The following BMPER variants were observed in gnomAD, a reference collection of about 807,000 sequenced individuals.
BMPER encodes BMP-binding endothelial regulator protein.
Under a neutral mutation model 87.3 loss-of-function variants are expected in BMPER, and 45 were observed. The ratio of observed to expected loss-of-function variants is 0.52; its 90% confidence interval spans 0.41 to 0.66. The LOEUF (loss-of-function observed/expected upper bound fraction) is 0.66. Ranked by LOEUF, BMPER falls within the 30% of genes least tolerant of loss-of-function variation. BMPER has a pLI of 0.00. For missense variants in BMPER, 784 were observed against 867.5 expected, an observed-to-expected ratio of 0.90 and a Z score of 1.21; for synonymous variants, 326 against 316.2, an observed-to-expected ratio of 1.03 and a Z score of -0.33.
At chr7:33,997,750 C>G (rs1350230567) in intron 6 of BMPER, among the ~76,000 whole-genome samples, 1 of 152,150 alleles carries the variant, frequency 6.6e-6, no homozygotes, top group Admixed American at 6.5e-5. Context: ...CACCTCAGTT[C>G]TTTTGTATTT....
chr7:33,994,522 G>C (rs1283911372), intron 6 of BMPER, among the ~76,000 whole-genome samples: 4 of 152,186 alleles, frequency 2.6e-5, no homozygotes, highest in Non-Finnish European at 5.9e-5. Context: ...CCACTGTCTG[G>C]CGCTCCCTAG....
At chr7:34,079,328 C>A in intron 12 of BMPER, 142 bp downstream of exon 12, 2 of 1,048,620 alleles carry the variant, frequency 1.9e-6, no homozygotes, top group Non-Finnish European at 1.4e-6. Flanking sequence ...AACTGCGGGA[C>A]TTGCCTCATC....
At position 34,036,779 on chromosome 7, in the gene BMPER, G is replaced by A. The variant is rs903608473; in HGVS notation, c.577-9527G>A. Among the ~76,000 whole-genome samples the A allele has an allele frequency of 9.5e-4, 145 of 152,288 alleles. 1 individual carries two copies. Among genetic ancestry groups the A allele is most frequent in the Non-Finnish European group, 3.8e-4 (26 of 68,018 alleles). ...GGACACCCAGAACCAGTTGGAATTT[G>A]CCTCAAACAATATCGCAGTCTTTCA... On this transcript the variant is annotated intron_variant, in intron 6 of 14. Coordinates refer to ENST00000649409, the MANE Select transcript of BMPER (RefSeq NM_001365308.1).
rs1292657977 is a variant in BMPER at position 34,147,279 on chromosome 7, G to A, written c.1876+3919G>A. On this transcript the variant is annotated intron_variant, in intron 14 of 14. Coordinates refer to ENST00000649409, the MANE Select transcript of BMPER (RefSeq NM_001365308.1). ...GTAAAAGTTCAAGAGATAAAGTCAG[G>A]TATGGTGACCTTCAGCACCCCATAG... Among the ~76,000 whole-genome samples, 5 of 152,164 alleles carry A rather than the reference G, an allele frequency of 3.3e-5. No individual in the cohort carries two copies. The South Asian group carries it at 1.0e-3, about 31-fold the overall frequency.
chr7:34,120,743 T>C (rs565119323), intron 13 of BMPER, among the ~76,000 whole-genome samples: 1 of 152,298 alleles, frequency 6.6e-6, no homozygotes, highest in East Asian at 1.9e-4. Flanking sequence ...TATAGCTTAT[T>C]GTCTGTGATT....
intron 6 of BMPER, among the ~76,000 whole-genome samples, chr7:34,003,210 CAT>C (rs1786633215): frequency 6.6e-6 from 1 of 151,596 alleles, no homozygotes; most frequent in South Asian, 2.1e-4. Context: ...CACACACACA[CAT>C]ATATATACAC....
chr7:33,922,421 C>T (rs1282440739), intron 2 of BMPER, among the ~76,000 whole-genome samples: 1 of 152,202 alleles, frequency 6.6e-6, no homozygotes, highest in Non-Finnish European at 1.5e-5. Context: ...CTGGCTGTTC[C>T]TCCTCCACGC....
At chr7:34,092,760 C>T (rs1171839082) in intron 13 of BMPER, among the ~76,000 whole-genome samples, 1 of 152,144 alleles carries the variant, frequency 6.6e-6, no homozygotes, top group African/African-American at 2.4e-5. Context: ...GTCCAATTTT[C>T]TTGGAGCCCA....
intron 6 of BMPER, among the ~76,000 whole-genome samples, chr7:34,008,662 C>A (rs1017758465): frequency 6.6e-6 from 1 of 151,872 alleles, no homozygotes; most frequent in Non-Finnish European, 1.5e-5. Flanking sequence ...TGCTGGCTAG[C>A]CCCTCAAGAA....
intron 13 of BMPER, among the ~76,000 whole-genome samples, chr7:34,090,017 T>C (rs984713682): frequency 1.3e-5 from 2 of 152,236 alleles, no homozygotes; most frequent in Admixed American, 1.3e-4. Context: ...AAATTTGATA[T>C]ATAATTAAGT....
At chr7:34,151,350 C>A (rs1791171098) in intron 14 of BMPER, among the ~76,000 whole-genome samples, 3 of 152,130 alleles carry the variant, frequency 2.0e-5, no homozygotes, top group South Asian at 4.1e-4. Context: ...AGGGACCACA[C>A]AAAACTCCAC....
chr7:34,119,100 G>A (rs943853877), intron 13 of BMPER, among the ~76,000 whole-genome samples: 2 of 151,048 alleles, frequency 1.3e-5, no homozygotes, highest in African/African-American at 4.9e-5. Flanking sequence ...GAGAACACTC[G>A]GAAGAATTGA....
In BMPER at chr7:34,151,457, G is replaced by A. The variant is rs1012478393; in HGVS notation, c.1877-1635G>A. Among the ~76,000 whole-genome samples the A allele has an allele frequency of 1.4e-4, 21 of 152,190 alleles. 1 individual carries two copies. Among genetic ancestry groups the A allele is most frequent in the African/African-American group, 5.1e-4 (21 of 41,440 alleles). ...AAAGAAGAAATAAATAGGGAAAAGA[G>A]GTAGTGAATATGAAAATGTTATTTT... is the stretch of plus-strand genomic sequence containing the variant. On this transcript the variant is annotated intron_variant, in intron 14 of 14. Transcript: ENST00000649409.
chr7:33,905,807 T>A, intron 1 of BMPER, 61 bp downstream of exon 1: 4 of 596,686 alleles, frequency 6.7e-6, no homozygotes, highest in Non-Finnish European at 8.6e-6. Context: ...CTGGGAAAGG[T>A]GGCGCTGGCT....
intron 6 of BMPER, among the ~76,000 whole-genome samples, chr7:34,007,652 A>G (rs1355845863): frequency 6.6e-6 from 1 of 152,016 alleles, no homozygotes; most frequent in African/African-American, 2.4e-5. Context: ...AAATGGCTGC[A>G]TGTTATTCCA....
chr7:34,047,824 C>CTTCCTTCCTTCCT (rs1312499057), intron 7 of BMPER, among the ~76,000 whole-genome samples: 7 of 64,752 alleles, frequency 1.1e-4, no homozygotes, highest in Admixed American at 1.7e-4. Context: ...CCTCACTTTC[C>CTTCCTTCCTTCCT]TACTTTCTTG....
intron 13 of BMPER, among the ~76,000 whole-genome samples, chr7:34,138,701 G>A (rs1181725825): frequency 5.9e-5 from 9 of 152,180 alleles, no homozygotes; most frequent in South Asian, 2.1e-4. Flanking sequence ...TGCCAATTCC[G>A]TTACAATAGA....
intron 6 of BMPER, chr7:34,042,916 C>T (rs762381122): frequency 6.6e-6 from 1 of 152,056 alleles, no homozygotes; most frequent in African/African-American, 2.4e-5. Context: ...GCAACAGAGA[C>T]ATAGAAAGAT....
At chr7:33,949,724 C>T (rs982773008) in intron 3 of BMPER, among the ~76,000 whole-genome samples, 1 of 152,016 alleles carries the variant, frequency 6.6e-6, no homozygotes, top group African/African-American at 2.4e-5. Flanking sequence ...TAATTTTATC[C>T]ACCTGGCCTC....
Sources: allele counts gnomAD v4.1 joint callset (sites outside exome capture counted in the v4.1 genomes callset), GRCh38; gene constraint gnomAD v4.1.1; transcripts MANE v1.5; gene names NCBI Gene and HGNC (gene_info 2026-07-23, HGNC 2026-07-21).